The following PON1 variants were observed in gnomAD, a reference collection of about 807,000 sequenced individuals.
PON1 encodes paraoxonase 1.
PON1 carries 37 observed loss-of-function variants against 39.2 expected under a neutral mutation model. The observed-to-expected ratio is 0.94, with a 90% CI of 0.73 to 1.24. The LOEUF (loss-of-function observed/expected upper bound fraction) is 1.24. Ranked by LOEUF, PON1 falls within the 50% of genes most tolerant of loss-of-function variation. The probability of loss-of-function intolerance (pLI) is 0.00; values close to 1 mark genes in which losing one functional copy is unlikely to be tolerated. For synonymous variants in PON1, 148 were observed against 152.2 expected, an observed-to-expected ratio of 0.97 and a Z score of 0.21; for missense variants, 397 against 413.5, an observed-to-expected ratio of 0.96 and a Z score of 0.35.
At chr7:95,308,862 T>C (rs528269841) in intron 5 of PON1, among the ~76,000 whole-genome samples, 2 of 151,954 alleles carry the variant, frequency 1.3e-5, no homozygotes, top group East Asian at 1.9e-4. Flanking sequence ...TAGAATGCTA[T>C]GGCTTTTTTT....
At chr7:95,311,953 C>CA (rs1807664946) in intron 4 of PON1, among the ~76,000 whole-genome samples, 1 of 152,142 alleles carries the variant, frequency 6.6e-6, no homozygotes, top group African/African-American at 2.4e-5. Context: ...AAGGTGTGAT[C>CA]AGGTGTAATT....
Position 95,298,612 on chromosome 7 carries a change from C to CAGGCAACACATGTGCTTT in PON1, c.*331_*332insAAAGCACATGTGTTGCCT. On this transcript the variant is annotated 3_prime_UTR_variant, in exon 9 of 9. Coordinates refer to ENST00000222381, the MANE Select transcript of PON1 (RefSeq NM_000446.7). ...AAGGCAGCGATACACACATGTGCTT[C>CAGGCAACACATGTGCTTT]CAGGCAACACATGTTTTAGGGTAAG... is the stretch of plus-strand genomic sequence containing the variant. The CAGGCAACACATGTGCTTT allele has an allele frequency of 2.6e-6, 1 of 386,194 alleles. No homozygotes were observed. Among genetic ancestry groups the CAGGCAACACATGTGCTTT allele is most frequent in the Non-Finnish European group, 5.0e-6 (1 of 202,016 alleles). 23.9% of individuals were successfully genotyped at this position (386,194 alleles called of 1,614,324 possible). A position where few individuals can be genotyped will look rare whatever the true frequency, so the allele number is the denominator to read the frequency against.
chr7:95,298,382 CT>C lies in PON1; in HGVS notation c.*561del, dbSNP rs1366792331. On this transcript the variant is annotated 3_prime_UTR_variant, in exon 9 of 9. Transcript: ENST00000222381. Reference sequence around the variant, plus strand: ...TTGGAATAATTCAGGTTAATATTTACTGAGAAAAAGTCATATATCGAAGGGA... The same window carrying C: ...TTGGAATAATTCAGGTTAATATTTACGAGAAAAAGTCATATATCGAAGGGA... 6.1e-6 allele frequency: 1 copy of C among 163,140 alleles called. No individual in the cohort carries two copies. The highest frequency in any genetic ancestry group is 1.4e-5 in the Non-Finnish European group (1 of 73,444). The allele number at this position is 163,140 out of a possible 1,614,324, so 10.1% of individuals were successfully genotyped here.
intron 1 of PON1, among the ~76,000 whole-genome samples, chr7:95,319,293 G>A (rs917656093): frequency 6.6e-6 from 1 of 151,936 alleles, no homozygotes; most frequent in Non-Finnish European, 1.5e-5. Context: ...GGCTACAGGC[G>A]GAACAGACAC....
intron 8 of PON1, 37 bp downstream of exon 8, chr7:95,302,168 A>G (rs1444994446): frequency 6.4e-7 from 1 of 1,557,274 alleles, no homozygotes; most frequent in Admixed American, 1.7e-5. Flanking sequence ...AGTAGCTGGG[A>G]ATAAAGTCAC....
intron 4 of PON1, 24 bp from the exon 5 acceptor site, chr7:95,311,601 A>G (rs1807657124): frequency 6.2e-7 from 1 of 1,613,878 alleles, no homozygotes; most frequent in Non-Finnish European, 8.5e-7. Context: ...AAAAACAAAA[A>G]TGAAACATTA....
intron 2 of PON1, among the ~76,000 whole-genome samples, chr7:95,317,647 C>T (rs1807801026): frequency 6.7e-6 from 1 of 150,320 alleles, no homozygotes; most frequent in Non-Finnish European, 1.5e-5. Context: ...AACCAATTGT[C>T]TTCAAATAAC....
rs1376038239 is a variant in PON1, at chr7:95,297,849, T to G, written c.*1095A>C. The G allele has an allele frequency of 6.6e-6, 1 of 152,086 alleles. No homozygotes were observed. Among genetic ancestry groups the G allele is most frequent in the East Asian group, 1.9e-4 (1 of 5,176 alleles). 9.4% of individuals were successfully genotyped at this position (152,086 alleles called of 1,614,324 possible). Reference sequence around the variant, plus strand: ...TTCTAAAGTCACTGCCTTAACACCCTGAAGAAGTAATTCATCATGAAGGTT... The same window carrying G: ...TTCTAAAGTCACTGCCTTAACACCCGGAAGAAGTAATTCATCATGAAGGTT... On this transcript the variant is annotated 3_prime_UTR_variant, in exon 9 of 9. Coordinates refer to ENST00000222381, the MANE Select transcript of PON1 (RefSeq NM_000446.7).
At chr7:95,321,540 T>C (rs961057938) in intron 1 of PON1, among the ~76,000 whole-genome samples, 1 of 152,184 alleles carries the variant, frequency 6.6e-6, no homozygotes, top group African/African-American at 2.4e-5. Flanking sequence ...TCATTTAATC[T>C]TTTTAGCCAC....
chr7:95,310,571 T>C (rs1322558998), intron 5 of PON1, among the ~76,000 whole-genome samples: 1 of 152,186 alleles, frequency 6.6e-6, no homozygotes, highest in Admixed American at 6.5e-5. Context: ...AGTAACTCAA[T>C]TTCTCTCCAA....
rs869140411 is a variant in PON1, at chr7:95,317,573, C to CAAA, written c.145+747_145+749dup. Among the ~76,000 whole-genome samples the CAAA allele has an allele frequency of 1.0e-3, 47 of 46,732 alleles. 2 individuals carry two copies. Among genetic ancestry groups the CAAA allele is most frequent in the African/African-American group, 1.5e-3 (22 of 14,966 alleles). 30.7% of individuals were successfully genotyped at this position (46,732 alleles called of 152,430 possible). ...ACTGAGATGAATAATTCTAAAAGAACAAAAAAAAAAAAAAAAAAAAGAAAG... is the reference window on the plus strand; with the variant it reads ...ACTGAGATGAATAATTCTAAAAGAACAAAAAAAAAAAAAAAAAAAAAAAGAAAG... On this transcript the variant is annotated intron_variant, in intron 2 of 8. Coordinates refer to ENST00000222381, the MANE Select transcript of PON1 (RefSeq NM_000446.7).
At chr7:95,302,391 G>C (rs1807455510) in intron 7 of PON1, 58 bp from the exon 8 acceptor site, 1 of 1,506,006 alleles carries the variant, frequency 6.6e-7, no homozygotes, top group African/African-American at 1.4e-5. Context: ...AATTGTGATG[G>C]AGCAAAATAT....
intron 8 of PON1, among the ~76,000 whole-genome samples, chr7:95,300,895 G>A (rs962406143): frequency 1.1e-4 from 17 of 152,154 alleles, no homozygotes; most frequent in African/African-American, 3.9e-4. Context: ...GGCACAAAGG[G>A]TTGCCATTAA....
intron 5 of PON1, among the ~76,000 whole-genome samples, chr7:95,309,313 T>TA (rs1807606847): frequency 9.6e-6 from 1 of 103,956 alleles, no homozygotes; most frequent in African/African-American, 4.6e-5. Context: ...TATTACAACA[T>TA]GAAAAAAAAA....
At chr7:95,317,573 C>CAA (rs869140411) in intron 2 of PON1, among the ~76,000 whole-genome samples, 53 of 46,698 alleles carry the variant, frequency 1.1e-3, no homozygotes, top group South Asian at 2.8e-3. Context: ...TCTAAAAGAA[C>CAA]AAAAAAAAAA....
chr7:95,311,272 G>C (rs910591240), intron 5 of PON1, among the ~76,000 whole-genome samples, 179 bp downstream of exon 5: 11 of 152,128 alleles, frequency 7.2e-5, no homozygotes, highest in Non-Finnish European at 1.3e-4. Context: ...AAAAGAATGG[G>C]CCGTCTCTGA....
chr7:95,321,606 T>C (rs1807900243), intron 1 of PON1, among the ~76,000 whole-genome samples: 1 of 152,230 alleles, frequency 6.6e-6, no homozygotes, highest in Admixed American at 6.5e-5. Flanking sequence ...ATGGAGGCAC[T>C]GAGAGGCTGA....
Position 95,302,912 on chromosome 7 carries a change from T to C in PON1, c.781-579A>G, listed in dbSNP as rs906407854. 3.9e-5 allele frequency among the ~76,000 whole-genome samples: 6 copies of C among 152,206 alleles called. No homozygotes were observed. In the East Asian group the frequency reaches 9.6e-4, roughly 24 times the overall value. On this transcript the variant is annotated intron_variant, in intron 7 of 8. Coordinates refer to ENST00000222381, the MANE Select transcript of PON1 (RefSeq NM_000446.7). Reference sequence around the variant, plus strand: ...CCCCGTTCTTCTGCTGTTTATTCTCTAAATATAAGTTGCAAGCATTTGATG... The same window carrying C: ...CCCCGTTCTTCTGCTGTTTATTCTCCAAATATAAGTTGCAAGCATTTGATG...
At chr7:95,321,515 C>T (rs1362974549) in intron 1 of PON1, among the ~76,000 whole-genome samples, 2 of 152,172 alleles carry the variant, frequency 1.3e-5, no homozygotes, top group Non-Finnish European at 2.9e-5. Context: ...AATAAGGGCT[C>T]TCACACATAC....
Sources: gnomAD v4.1 joint callset for allele counts (sites outside exome capture counted in the v4.1 genomes callset) on GRCh38, gnomAD v4.1.1 for gene constraint, MANE v1.5 for transcripts, NCBI Gene and HGNC (gene_info 2026-07-23, HGNC 2026-07-21) for gene names.